Variants in ZRANB3 observed in about 807,000 individuals in gnomAD.
The protein encoded by ZRANB3 is zinc finger RANBP2-type containing 3, also known as DNA annealing helicase and endonuclease ZRANB3.
In ZRANB3, 125 loss-of-function variants were observed where a neutral mutation model predicts 133.8. The observed-to-expected ratio is 0.93, with a 90% confidence interval of 0.81 to 1.08. The LOEUF (loss-of-function observed/expected upper bound fraction) is 1.08. ZRANB3 is among the 50% of genes least tolerant of loss of function. The pLI is 0.00. For missense variants in ZRANB3, 1,229 were observed against 1,275.5 expected (o/e 0.96, Z 0.56); for synonymous variants, 387 against 432.7 (o/e 0.89, Z 1.31).
rs1300802277 is a variant in ZRANB3 at position 135,455,189 on chromosome 2, T to TC, written c.161+49139_161+49140insG. On this transcript the variant is annotated intron_variant, in intron 2 of 20. Transcript: ENST00000264159. ...TCTTATACTTTTTTTTTTTTTTTTT[T>TC]TTTTTTTTTTTTTTTTGAGACGGAG... 2.0e-4 allele frequency among the ~76,000 whole-genome samples: 26 copies of TC among 129,732 alleles called. No homozygotes were observed. The East Asian group carries it at 5.9e-3, about 29-fold the overall frequency. The allele number at this position is 129,732 out of a possible 152,430, so 85.1% of individuals were successfully genotyped here. A position where few individuals can be genotyped will look rare whatever the true frequency, so the allele number is the denominator to read the frequency against.
intron 2 of ZRANB3, among the ~76,000 whole-genome samples, chr2:135,391,900 C>T (rs545523831): frequency 6.6e-6 from 1 of 152,142 alleles, no homozygotes; most frequent in East Asian, 1.9e-4. Context: ...ATTTCTATTA[C>T]TTTGCTAAAC....
chr2:135,328,173 G>A (rs550113061), intron 6 of ZRANB3, among the ~76,000 whole-genome samples: 2 of 151,912 alleles, frequency 1.3e-5, no homozygotes, highest in South Asian at 2.1e-4. Flanking sequence ...CCATCAACTC[G>A]TCATTTACAT....
intron 2 of ZRANB3, among the ~76,000 whole-genome samples, chr2:135,499,787 T>C (rs1284894213): frequency 6.6e-6 from 1 of 152,120 alleles, no homozygotes; most frequent in Non-Finnish European, 1.5e-5. Context: ...CATTGGAAAA[T>C]GTTTAGCAGT....
intron 1 of ZRANB3, among the ~76,000 whole-genome samples, chr2:135,521,719 AG>A (rs1435231674): frequency 6.6e-6 from 1 of 152,158 alleles, no homozygotes; most frequent in African/African-American, 2.4e-5. Context: ...TACACATAAG[AG>A]GGAACATTGG....
intron 9 of ZRANB3, among the ~76,000 whole-genome samples, chr2:135,273,156 A>G (rs1573804760): frequency 6.6e-6 from 1 of 151,254 alleles, no homozygotes; most frequent in African/African-American, 2.4e-5. Context: ...ACTGCACTCC[A>G]GCCTGGGCGA....
chr2:135,217,474 C>T lies in ZRANB3; in HGVS notation c.2486G>A (p.Cys829Tyr). 6.2e-7 allele frequency: 1 copy of T among 1,605,386 alleles called. No homozygotes were observed. Residue 829 changes from cysteine to tyrosine, a missense_variant, in exon 17 of 21, where the codon TGC becomes TAC. Transcript: ENST00000264159. ...EITKQQTKQN[C>Y]TKRYITKEDV... is the part of the protein sequence containing the mutation. ...AAAAGACAACTCATACCTTTTGGTG[C>T]AATTTTGTTTGGTTTGTTGCTTTGT...
chr2:135,230,608 A>G lies in ZRANB3; in HGVS notation c.1859T>C (p.Phe620Ser). Residue 620 changes from phenylalanine (F) to serine (S), a missense_variant, in exon 13 of 21, where the codon TTT (phenylalanine) becomes TCT (serine). Coordinates refer to ENST00000264159, the MANE Select transcript of ZRANB3 (RefSeq NM_032143.4). ...ACTACATTGCCAGCCCTCTACAGGA[A>G]AGGCTGGGGTGGTTAACTGGGCCTT... The part of the protein sequence containing the change: ...EAKAQLTTPA[F>S]PVEGWQCSLC... 1 of 1,611,088 alleles carries G rather than the reference A, an allele frequency of 6.2e-7. No homozygotes were observed. Among genetic ancestry groups the G allele is most frequent in the South Asian group, 1.1e-5 (1 of 90,236 alleles).
At chr2:135,240,347 T>C (rs1196065337) in intron 12 of ZRANB3, among the ~76,000 whole-genome samples, 1 of 152,100 alleles carries the variant, frequency 6.6e-6, no homozygotes, top group East Asian at 1.9e-4. Flanking sequence ...ACAAATAGAA[T>C]TAAACATTTA....
intron 8 of ZRANB3, among the ~76,000 whole-genome samples, chr2:135,298,055 C>G (rs1035981967): frequency 6.6e-6 from 1 of 152,038 alleles, no homozygotes; most frequent in Non-Finnish European, 1.5e-5. Context: ...TGGTGAAACC[C>G]TATGTCTACT....
chr2:135,407,505 G>A (rs59527001), intron 2 of ZRANB3, among the ~76,000 whole-genome samples: 20,469 of 137,710 alleles, frequency 0.15, 2,298 homozygotes, highest in African/African-American at 0.3. Flanking sequence ...AAAAGAGCCC[G>A]CATCGCCAAG....
At chr2:135,420,124 T>TAA (rs1553489708) in intron 2 of ZRANB3, among the ~76,000 whole-genome samples, 1,787 of 91,298 alleles carry the variant, frequency 0.02, 57 homozygotes, top group African/African-American at 0.12. Context: ...TATATATATA[T>TAA]AACTTATAGA....
chr2:135,370,848 C>T (rs1472732518), intron 3 of ZRANB3, among the ~76,000 whole-genome samples: 1 of 152,152 alleles, frequency 6.6e-6, no homozygotes, highest in African/African-American at 2.4e-5. Flanking sequence ...GTAACTGGCT[C>T]ATGGTGGGGG....
intron 2 of ZRANB3, among the ~76,000 whole-genome samples, chr2:135,413,012 T>A (rs2104956760): frequency 6.6e-6 from 1 of 152,270 alleles, no homozygotes; most frequent in Non-Finnish European, 1.5e-5. Context: ...ATTACTGATG[T>A]TTCATAATAG....
chr2:135,314,903 C>A (rs560025204), intron 7 of ZRANB3, among the ~76,000 whole-genome samples: 134 of 152,070 alleles, frequency 8.8e-4, no homozygotes, highest in South Asian at 8.3e-4. Flanking sequence ...GCACTCGCCA[C>A]CACACTCAAC....
chr2:135,296,220 A>G (rs1199395956), intron 8 of ZRANB3, among the ~76,000 whole-genome samples: 2 of 152,204 alleles, frequency 1.3e-5, no homozygotes, highest in East Asian at 3.8e-4. Flanking sequence ...TATACCAATC[A>G]GACGTAGATT....
chr2:135,477,144 G>C (rs1380327857), intron 2 of ZRANB3, among the ~76,000 whole-genome samples: 3 of 151,068 alleles, frequency 2.0e-5, no homozygotes, highest in Non-Finnish European at 4.4e-5. Flanking sequence ...TGCTGTTGAA[G>C]TATAGTATGT....
chr2:135,291,044 T>C (rs1411578385), intron 8 of ZRANB3, among the ~76,000 whole-genome samples: 3 of 152,122 alleles, frequency 2.0e-5, no homozygotes, highest in Non-Finnish European at 2.9e-5. Context: ...GTATTTTTAC[T>C]AGAGATGGGG....
intron 6 of ZRANB3, among the ~76,000 whole-genome samples, chr2:135,337,113 C>T (rs1025734582): frequency 9.2e-5 from 14 of 152,156 alleles, no homozygotes; most frequent in African/African-American, 2.9e-4. Context: ...CTCTTGTATT[C>T]CTTGCACCTT....
intron 2 of ZRANB3, among the ~76,000 whole-genome samples, chr2:135,443,497 C>A (rs1463198882): frequency 6.6e-6 from 1 of 151,620 alleles, no homozygotes; most frequent in Non-Finnish European, 1.5e-5. Context: ...CAAACCTGCA[C>A]GTTGTGCACA....
Sources: gnomAD v4.1 joint callset for allele counts (sites outside exome capture counted in the v4.1 genomes callset) on GRCh38, gnomAD v4.1.1 for gene constraint, MANE v1.5 for transcripts, NCBI Gene and HGNC (gene_info 2026-07-23, HGNC 2026-07-21) for gene names.